Variants in KCNIP4 observed in about 807,000 individuals in gnomAD.
KCNIP4 encodes the protein Kv channel-interacting protein 4.
Under a neutral mutation model 34.0 loss-of-function variants are expected in KCNIP4, and 12 were observed. That is an observed-to-expected ratio of 0.35 (90% CI 0.23 to 0.57). The LOEUF (loss-of-function observed/expected upper bound fraction) is 0.57, where lower values mean the gene tolerates loss of function less well. KCNIP4 is among the 20% of genes least tolerant of loss of function. The pLI is 0.83. For synonymous variants in KCNIP4, 124 were observed against 102.2 expected (o/e 1.21, Z -1.29); for missense variants, 238 against 311.7 (o/e 0.76, Z 1.78).
chr4:21,657,444 A>G (rs1577774541), intron 1 of KCNIP4, among the ~76,000 whole-genome samples: 1 of 152,178 alleles, frequency 6.6e-6, no homozygotes, highest in Non-Finnish European at 1.5e-5. Context: ...CCTCATCTCC[A>G]ATCAGGATAA....
chr4:21,366,046 A>G lies in KCNIP4; in HGVS notation c.62-483337T>C, dbSNP rs73802588. Among the ~76,000 whole-genome samples, 1,255 of 152,236 alleles carry G rather than the reference A, an allele frequency of 8.2e-3. 21 individuals carry two copies. Among genetic ancestry groups the G allele is most frequent in the African/African-American group, 0.029 (1,191 of 41,518 alleles). Reference sequence around the variant, plus strand: ...GGTATGCTTGATGATCCTATCATAGATAGTGTTTTGATATAAGCATTAGAT... The same window carrying G: ...GGTATGCTTGATGATCCTATCATAGGTAGTGTTTTGATATAAGCATTAGAT... On this transcript the variant is annotated intron_variant, in intron 1 of 8. Coordinates refer to ENST00000382152, the MANE Select transcript of KCNIP4 (RefSeq NM_025221.6).
At chr4:21,478,022 A>G (rs368165110) in intron 1 of KCNIP4, among the ~76,000 whole-genome samples, 3 of 152,226 alleles carry the variant, frequency 2.0e-5, no homozygotes, top group East Asian at 1.9e-4. Context: ...ACCTCTCAAC[A>G]TATCCTCCTA....
intron 1 of KCNIP4, among the ~76,000 whole-genome samples, chr4:20,961,661 T>C (rs1733864816): frequency 6.6e-6 from 1 of 152,132 alleles, no homozygotes; most frequent in Non-Finnish European, 1.5e-5. Flanking sequence ...GGTCCCAAGA[T>C]GAGAATGTAA....
intron 1 of KCNIP4, among the ~76,000 whole-genome samples, chr4:21,819,107 G>GA (rs1320072192): frequency 6.6e-6 from 1 of 152,172 alleles, no homozygotes; most frequent in Non-Finnish European, 1.5e-5. Flanking sequence ...GTCTTTCCAG[G>GA]AAATTTTTTT....
At chr4:21,567,918 A>G (rs575123789) in intron 1 of KCNIP4, among the ~76,000 whole-genome samples, 1 of 152,250 alleles carries the variant, frequency 6.6e-6, no homozygotes, top group South Asian at 2.1e-4. Context: ...AGTCCCAAAC[A>G]GTTCACAACG....
chr4:21,038,145 C>CT (rs1741622055), intron 1 of KCNIP4, among the ~76,000 whole-genome samples: 1 of 151,802 alleles, frequency 6.6e-6, no homozygotes, highest in African/African-American at 2.4e-5. Context: ...GCCCAGCTAA[C>CT]TTTTTTATTT....
At chr4:20,808,150 A>C (rs141187748) in intron 3 of KCNIP4, among the ~76,000 whole-genome samples, 171 of 152,282 alleles carry the variant, frequency 1.1e-3, no homozygotes, top group African/African-American at 3.8e-3. Flanking sequence ...ATGAGTAGAT[A>C]CCCTGCTACA....
At chr4:21,283,994 A>G (rs1418749734) in intron 1 of KCNIP4, among the ~76,000 whole-genome samples, 3 of 151,782 alleles carry the variant, frequency 2.0e-5, no homozygotes, top group Non-Finnish European at 4.4e-5. Flanking sequence ...TGGGCAGATC[A>G]CGAGGTCAGG....
intron 1 of KCNIP4, among the ~76,000 whole-genome samples, chr4:21,381,639 T>A (rs1412161915): frequency 6.6e-6 from 1 of 152,230 alleles, no homozygotes; most frequent in Non-Finnish European, 1.5e-5. Flanking sequence ...TTATTCTTAG[T>A]TTTAAAAGCC....
chr4:20,836,798 G>A (rs193276931), intron 3 of KCNIP4, among the ~76,000 whole-genome samples: 143 of 151,886 alleles, frequency 9.4e-4, no homozygotes, highest in Non-Finnish European at 1.8e-3. Flanking sequence ...TAGCTTAGTT[G>A]ACATATAAAA....
At chr4:21,012,917 G>A (rs1349837790) in intron 1 of KCNIP4, among the ~76,000 whole-genome samples, 1 of 152,124 alleles carries the variant, frequency 6.6e-6, no homozygotes, top group Non-Finnish European at 1.5e-5. Context: ...TATTTACCCT[G>A]GCACAGAATG....
chr4:21,382,101 G>T (rs1351453826), intron 1 of KCNIP4, among the ~76,000 whole-genome samples: 1 of 152,190 alleles, frequency 6.6e-6, no homozygotes, highest in Non-Finnish European at 1.5e-5. Flanking sequence ...ATGTGGGAAT[G>T]GATGGACGAA....
chr4:20,866,536 C>A (rs1722900995), intron 2 of KCNIP4, among the ~76,000 whole-genome samples: 1 of 152,000 alleles, frequency 6.6e-6, no homozygotes, highest in Admixed American at 6.6e-5. Context: ...CTATGACAAA[C>A]CCACAGCCAA....
intron 1 of KCNIP4, among the ~76,000 whole-genome samples, chr4:21,202,108 A>G (rs1756541595): frequency 1.3e-5 from 2 of 152,214 alleles, no homozygotes; most frequent in Admixed American, 1.3e-4. Context: ...CAACAGTCCC[A>G]TTACTGGATA....
intron 1 of KCNIP4, among the ~76,000 whole-genome samples, chr4:21,754,269 C>T (rs1394792860): frequency 6.6e-6 from 1 of 152,160 alleles, no homozygotes; most frequent in East Asian, 1.9e-4. Flanking sequence ...CACCACTCCA[C>T]ACCCACCTCT....
chr4:21,285,197 T>A (rs933902632), intron 1 of KCNIP4, among the ~76,000 whole-genome samples: 4 of 152,212 alleles, frequency 2.6e-5, no homozygotes, highest in Non-Finnish European at 5.9e-5. Context: ...AAATATTTTT[T>A]AATTACATGC....
intron 1 of KCNIP4, among the ~76,000 whole-genome samples, chr4:21,129,735 A>T (rs1456189610): frequency 6.6e-6 from 1 of 152,202 alleles, no homozygotes; most frequent in Non-Finnish European, 1.5e-5. Flanking sequence ...TTTATAATAT[A>T]GATAGACAGA....
chr4:21,067,472 C>A (rs1744502362), intron 1 of KCNIP4, among the ~76,000 whole-genome samples: 1 of 152,108 alleles, frequency 6.6e-6, no homozygotes, highest in South Asian at 2.1e-4. Context: ...TGATTCCAGG[C>A]CTTGGCTCCC....
chr4:21,363,753 C>T (rs1398277052), intron 1 of KCNIP4, among the ~76,000 whole-genome samples: 10 of 152,084 alleles, frequency 6.6e-5, no homozygotes, highest in Admixed American at 5.9e-4. Context: ...CATTCCTGCC[C>T]TCATTTTAGT....
Sources: gnomAD v4.1 joint callset for allele counts (sites outside exome capture counted in the v4.1 genomes callset) on GRCh38, gnomAD v4.1.1 for gene constraint, MANE v1.5 for transcripts, NCBI Gene and HGNC (gene_info 2026-07-23, HGNC 2026-07-21) for gene names.